Variants in HDAC4 observed in about 807,000 individuals in gnomAD.
HDAC4 encodes the protein histone deacetylase A.
Under a neutral mutation model 135.1 loss-of-function variants are expected in HDAC4, and 16 were observed. The ratio of observed to expected loss-of-function variants is 0.12; its 90% CI spans 0.08 to 0.18. The LOEUF (loss-of-function observed/expected upper bound fraction) is 0.18. Ranked by LOEUF, HDAC4 falls within the 10% of genes least tolerant of loss-of-function variation. HDAC4 has a pLI of 1.00. For synonymous variants in HDAC4, 685 were observed against 653.4 expected (o/e 1.05, Z -0.74); for missense variants, 1,143 against 1,511.8 (o/e 0.76, Z 4.05).
In HDAC4 at chr2:239,141,262, A is replaced by G. The variant is rs550961855; in HGVS notation, c.866-1466T>C. ...AACATCTTGCCCTCAACAGCAGGGC[A>G]GTCTAAACCTCCCAAGGGCAAACCA... On this transcript the variant is annotated intron_variant, in intron 8 of 26. Transcript: ENST00000543185. The surrounding 1 kb of genome is among the most constrained non-coding windows in gnomAD (Gnocchi z 4.9). Among the ~76,000 whole-genome samples the G allele has an allele frequency of 2.1e-4, 32 of 152,220 alleles. 1 individual carries two copies. The highest frequency in any genetic ancestry group is 4.6e-4 in the Admixed American group (7 of 15,300).
At chr2:239,237,112 G>A (rs1421837729) in intron 2 of HDAC4, among the ~76,000 whole-genome samples, 2 of 152,182 alleles carry the variant, frequency 1.3e-5, no homozygotes, top group Non-Finnish European at 2.9e-5. Flanking sequence ...AGACAGGGAA[G>A]GAGGCAAGCT....
chr2:239,352,638 G>A lies in HDAC4; in HGVS notation c.22+40C>T. 6.5e-7 allele frequency: 1 copy of A among 1,548,604 alleles called. No individual in the cohort carries two copies. ...AGAACTTCTACTTTGGGCAAAGAAA[G>A]CCCCGCTGTGTGCCCAGAGAAGAAA... On this transcript the variant is annotated intron_variant, in intron 2 of 26. Coordinates refer to ENST00000543185, the MANE Select transcript of HDAC4 (RefSeq NM_001378414.1). The surrounding 1 kb of genome is among the most constrained non-coding windows in gnomAD (Gnocchi z 4.4).
chr2:239,221,052 G>A (rs1253791082), intron 3 of HDAC4, among the ~76,000 whole-genome samples: 5 of 152,234 alleles, frequency 3.3e-5, no homozygotes, highest in South Asian at 2.1e-4. Flanking sequence ...GGGCGGTGGC[G>A]TGTGACCCGC....
intron 14 of HDAC4, among the ~76,000 whole-genome samples, chr2:239,108,886 T>C (rs1575057920): frequency 6.6e-6 from 1 of 152,170 alleles, no homozygotes; most frequent in Non-Finnish European, 1.5e-5. Flanking sequence ...AGGCTCCTGG[T>C]GGGGGCCCCA....
At chr2:239,357,888 CAAAAAAAAAAAAA>C (rs71043188) in intron 1 of HDAC4, among the ~76,000 whole-genome samples, 42 of 55,654 alleles carry the variant, frequency 7.5e-4, no homozygotes, top group Admixed American at 1.6e-3. Context: ...GCCTCTGTTC[CAAAAAAAAAAAAA>C]AAAAAAAAAA....
intron 12 of HDAC4, among the ~76,000 whole-genome samples, chr2:239,122,752 CCT>C (rs1176814228): frequency 6.6e-6 from 1 of 152,228 alleles, no homozygotes. Flanking sequence ...GCACGGGCCG[CCT>C]CTCTTTCTTT....
At chr2:239,289,963 T>C (rs1214093402) in intron 2 of HDAC4, among the ~76,000 whole-genome samples, 1 of 152,252 alleles carries the variant, frequency 6.6e-6, no homozygotes, top group East Asian at 1.9e-4. Context: ...CTCACCATTT[T>C]TGAGTTAAGG....
At chr2:239,390,572 T>A (rs1696131031) in intron 1 of HDAC4, among the ~76,000 whole-genome samples, 1 of 151,932 alleles carries the variant, frequency 6.6e-6, no homozygotes, top group Non-Finnish European at 1.5e-5. Flanking sequence ...TATATATATA[T>A]TGGAAGCCAC....
intron 9 of HDAC4, among the ~76,000 whole-genome samples, chr2:239,137,884 C>T (rs1009204972): frequency 5.9e-5 from 9 of 152,218 alleles, no homozygotes; most frequent in African/African-American, 1.7e-4. Flanking sequence ...CCTGTAACTC[C>T]TTCTACATGT....
intron 2 of HDAC4, among the ~76,000 whole-genome samples, chr2:239,311,266 C>G (rs1332449009): frequency 5.9e-5 from 9 of 152,156 alleles, no homozygotes; most frequent in African/African-American, 2.2e-4. Flanking sequence ...TCCACGTGTC[C>G]CCTGCTGTGT....
chr2:239,126,786 G>A (rs997079080), intron 11 of HDAC4, 92 bp from the exon 12 acceptor site: 8 of 1,359,720 alleles, frequency 5.9e-6, no homozygotes, highest in African/African-American at 2.8e-5. Flanking sequence ...AGACAACTGC[G>A]CCCTGTGCCC....
At position 239,306,920 on chromosome 2, in the gene HDAC4, C is replaced by T. The variant is rs906477833; in HGVS notation, c.22+45758G>A. On this transcript the variant is annotated intron_variant, in intron 2 of 26. Transcript: ENST00000543185. This position sits in a 1 kb window ranked among gnomAD's most constrained non-coding sequence, Gnocchi z 4.5. ...ATGTCCAAGGAGGGCCTGAGCCTCC[C>T]GTGTGCACCTCCCCAAGGGCGCCTG... Among the ~76,000 whole-genome samples, 15 of 151,982 alleles carry T rather than the reference C, an allele frequency of 9.9e-5. No homozygotes were observed. The highest frequency in any genetic ancestry group is 2.1e-4 in the South Asian group (1 of 4,818).
At chr2:239,388,941 G>T (rs1202419167) in intron 1 of HDAC4, among the ~76,000 whole-genome samples, 1 of 152,220 alleles carries the variant, frequency 6.6e-6, no homozygotes, top group African/African-American at 2.4e-5. Context: ...CTGTGTGTTA[G>T]TCTCCACTGC....
intron 2 of HDAC4, among the ~76,000 whole-genome samples, chr2:239,346,998 AACAC>A (rs574332568): frequency 3.4e-5 from 3 of 88,272 alleles, no homozygotes; most frequent in African/African-American, 9.6e-5. Flanking sequence ...CCCTGTCTAA[AACAC>A]ACACCCCATC....
chr2:239,224,939 C>G (rs1403294601), intron 3 of HDAC4, among the ~76,000 whole-genome samples: 1 of 152,148 alleles, frequency 6.6e-6, no homozygotes, highest in East Asian at 1.9e-4. Flanking sequence ...CTAGAGAATT[C>G]AAAATCTTCT....
rs1574896850 is a variant in HDAC4, at chr2:239,068,673, C to T, written c.2751-66G>A. The stretch of plus-strand genomic sequence containing the variant: ...GAGGGACGGGACGGTCACAAAACCC[C>T]AAGGTTCCCTCTGGCATTGATAATG... On this transcript the variant is annotated intron_variant, in intron 22 of 26. Coordinates refer to ENST00000543185, the MANE Select transcript of HDAC4 (RefSeq NM_001378414.1). This position sits in a 1 kb window ranked among gnomAD's most constrained non-coding sequence, Gnocchi z 4.4. 3 of 1,382,680 alleles carry T rather than the reference C, an allele frequency of 2.2e-6. No individual in the cohort carries two copies. The African/African-American group carries it at 4.3e-5, about 20-fold the overall frequency. 85.7% of individuals were successfully genotyped at this position (1,382,680 alleles called of 1,614,324 possible).
At chr2:239,212,773 C>G (rs1177949393) in intron 3 of HDAC4, among the ~76,000 whole-genome samples, 2 of 152,138 alleles carry the variant, frequency 1.3e-5, no homozygotes, top group Non-Finnish European at 2.9e-5. Flanking sequence ...GCTAAGAGAA[C>G]AGGACAACAG....
chr2:239,336,068 A>G (rs1691913538), intron 2 of HDAC4, among the ~76,000 whole-genome samples: 2 of 152,242 alleles, frequency 1.3e-5, no homozygotes, highest in Admixed American at 1.3e-4. Flanking sequence ...AACTACTACT[A>G]TAAGCCACAA....
intron 2 of HDAC4, among the ~76,000 whole-genome samples, chr2:239,283,907 G>A (rs1435847416): frequency 3.9e-5 from 6 of 152,204 alleles, no homozygotes; most frequent in Non-Finnish European, 7.3e-5. Flanking sequence ...ATGTAGTGCC[G>A]GGGAGAAGTG....
Sources: gnomAD v4.1 joint callset for allele counts (sites outside exome capture counted in the v4.1 genomes callset) on GRCh38, gnomAD v4.1.1 for gene constraint, Gnocchi (gnomAD v3.1) non-coding constraint, MANE v1.5 for transcripts, NCBI Gene and HGNC (gene_info 2026-07-23, HGNC 2026-07-21) for gene names.